The following MAPT variants were observed in gnomAD, a reference collection of about 807,000 sequenced individuals.
The protein encoded by MAPT is microtubule-associated protein tau.
MAPT carries 34 observed loss-of-function variants against 67.9 expected under a neutral mutation model. The observed-to-expected ratio is 0.50, with a 90% confidence interval of 0.38 to 0.67. MAPT has a LOEUF of 0.67. Among genes scored for constraint, MAPT ranks in the 30% least tolerant of loss-of-function variants. The pLI is 0.00. For missense variants in MAPT, 881 were observed against 1,115.2 expected (o/e 0.79, Z 2.99); for synonymous variants, 456 against 464.5 (o/e 0.98, Z 0.23).
rs141279120 is a variant in MAPT at position 46,022,766 on chromosome 17, A to C, written c.2287-1190A>C. Among the ~76,000 whole-genome samples, 651 of 152,152 alleles carry C rather than the reference A, an allele frequency of 4.3e-3. 5 individuals are homozygous for C. Among genetic ancestry groups the C allele is most frequent in the African/African-American group, 0.015 (635 of 41,508 alleles). Reference sequence around the variant, plus strand: ...TCCTGGCTAGGTCATGTGTTTCTCTACTTTCAAAAGGGCTTCAGCCAGGCA... The same window carrying C: ...TCCTGGCTAGGTCATGTGTTTCTCTCCTTTCAAAAGGGCTTCAGCCAGGCA... On this transcript the variant is annotated intron_variant, in intron 12 of 12. Transcript: ENST00000262410.
chr17:45,918,208 C>T (rs2065375014), intron 1 of MAPT, among the ~76,000 whole-genome samples: 1 of 152,256 alleles, frequency 6.6e-6, no homozygotes, highest in Non-Finnish European at 1.5e-5. Flanking sequence ...TCTCCCTGCA[C>T]CTGGCTGGTC....
intron 12 of MAPT, among the ~76,000 whole-genome samples, chr17:46,023,252 GTTTA>G (rs999870498): frequency 5.9e-5 from 9 of 152,206 alleles, no homozygotes; most frequent in African/African-American, 2.2e-4. Flanking sequence ...GTTCATACGG[GTTTA>G]TTTATCTGAG....
intron 10 of MAPT, among the ~76,000 whole-genome samples, chr17:46,012,902 C>T (rs1269960941): frequency 1.3e-5 from 2 of 152,092 alleles, no homozygotes; most frequent in Non-Finnish European, 2.9e-5. Context: ...CCAAGCCAGG[C>T]CGCGCGCCAT....
At chr17:45,939,632 G>A (rs961325371) in intron 1 of MAPT, among the ~76,000 whole-genome samples, 1 of 152,170 alleles carries the variant, frequency 6.6e-6, no homozygotes, top group Non-Finnish European at 1.5e-5. Flanking sequence ...GGGCTTTTAC[G>A]AGGAGGTTTC....
chr17:45,971,976 C>A lies in MAPT; in HGVS notation c.220+31C>A. The A allele has an allele frequency of 1.9e-6, 3 of 1,551,368 alleles. No individual in the cohort carries two copies. Among genetic ancestry groups the A allele is most frequent in the Non-Finnish European group, 1.8e-6 (2 of 1,123,124 alleles). ...CCCCCCTTCAGACGCCCCCTCCATG[C>A]CTCCAGCCTGTGCTTAGCCGTGCTT... On this transcript the variant is annotated intron_variant, in intron 3 of 12. Coordinates refer to ENST00000262410, the MANE Select transcript of MAPT (RefSeq NM_001377265.1). This position sits in a 1 kb window ranked among gnomAD's most constrained non-coding sequence, Gnocchi z 4.3.
In MAPT at chr17:45,962,046, A is replaced by G. The variant is rs1033352889; in HGVS notation, c.-17-275A>G. The stretch of plus-strand genomic sequence containing the variant: ...CACCTCGGCCTCCCAAAGTGCTGAG[A>G]TCACAGGCGTGAGCCACCATGCCTG... On this transcript the variant is annotated intron_variant, in intron 1 of 12. Coordinates refer to ENST00000262410, the MANE Select transcript of MAPT (RefSeq NM_001377265.1). Among the ~76,000 whole-genome samples, 8 of 152,250 alleles carry G rather than the reference A, an allele frequency of 5.3e-5. No homozygotes were observed. In the East Asian group the frequency reaches 1.5e-3, roughly 29 times the overall value.
chr17:45,927,858 G>A (rs1382799150), intron 1 of MAPT, among the ~76,000 whole-genome samples: 1 of 151,940 alleles, frequency 6.6e-6, no homozygotes, highest in Non-Finnish European at 1.5e-5. Context: ...AAAGTAGCCG[G>A]GAGTGGTGGC....
At chr17:45,938,361 TTCA>T (rs1598045696) in intron 1 of MAPT, among the ~76,000 whole-genome samples, 1 of 152,232 alleles carries the variant, frequency 6.6e-6, no homozygotes, top group Admixed American at 6.5e-5. Context: ...ATCAATCATC[TTCA>T]AAGCCAGCAA....
intron 1 of MAPT, among the ~76,000 whole-genome samples, chr17:45,930,136 A>C (rs971197396): frequency 4.6e-5 from 7 of 152,210 alleles, no homozygotes; most frequent in African/African-American, 1.7e-4. Context: ...GCGGTGGCTC[A>C]TGCCTGTAAT....
intron 1 of MAPT, among the ~76,000 whole-genome samples, chr17:45,921,019 G>A (rs2065661944): frequency 6.6e-6 from 1 of 152,190 alleles, no homozygotes; most frequent in African/African-American, 2.4e-5. Context: ...TAATAGTAAA[G>A]AATAAATGTG....
Position 46,010,286 on chromosome 17 carries a change from C to T in MAPT, c.1999-24C>T. 2.6e-6 allele frequency: 4 copies of T among 1,514,902 alleles called. No homozygotes were observed. The highest frequency in any genetic ancestry group is 3.6e-6 in the Non-Finnish European group (4 of 1,112,798). 93.8% of individuals were successfully genotyped at this position (1,514,902 alleles called of 1,614,324 possible). ...GGCGGGTCCAGGGTGGCGTGTCACT[C>T]ATCCTTTTTTCTGGCTACCAAAGGT... On this transcript the variant is annotated intron_variant, in intron 9 of 12. Coordinates refer to ENST00000262410, the MANE Select transcript of MAPT (RefSeq NM_001377265.1). This position sits in a 1 kb window ranked among gnomAD's most constrained non-coding sequence, Gnocchi z 4.7.
At chr17:45,895,333 AG>A (rs2063109812) in intron 1 of MAPT, 1 of 152,052 alleles carries the variant, frequency 6.6e-6, no homozygotes, top group Non-Finnish European at 1.5e-5. Flanking sequence ...GGGGGCTGGG[AG>A]AAATCGAGGA....
intron 12 of MAPT, 121 bp from the exon 13 acceptor site, chr17:46,023,833 CCT>C (rs1336381748): frequency 3.7e-6 from 3 of 800,912 alleles, no homozygotes; most frequent in Non-Finnish European, 6.4e-6. Context: ...AGAGCAAGAC[CCT>C]GTCTCAAAAA....
At chr17:45,950,657 TTTTA>T (rs573272603) in intron 1 of MAPT, among the ~76,000 whole-genome samples, 5 of 152,156 alleles carry the variant, frequency 3.3e-5, no homozygotes, top group African/African-American at 1.2e-4. Flanking sequence ...ATTTTTAAAA[TTTTA>T]TTTATTTATT....
chr17:45,983,698 C>G lies in MAPT; in HGVS notation c.1119C>G (p.Pro373=), dbSNP rs762689602. Residue 373 remains proline (P), a synonymous_variant, in exon 5 of 13, where the codon CCC becomes CCG. Coordinates refer to ENST00000262410, the MANE Select transcript of MAPT (RefSeq NM_001377265.1). ...SVGRAKGQDA[P]LEFTFHVEIT... Reference sequence around the variant, plus strand: ...GGCGGGCCAAAGGGCAGGATGCCCCCCTGGAGTTCACGTTTCACGTGGAAA... The same window carrying G: ...GGCGGGCCAAAGGGCAGGATGCCCCGCTGGAGTTCACGTTTCACGTGGAAA... 1.2e-6 allele frequency: 2 copies of G among 1,614,126 alleles called. No individual in the cohort carries two copies. The highest frequency in any genetic ancestry group is 2.2e-5 in the South Asian group (2 of 91,080).
At chr17:45,912,459 G>A (rs2064863092) in intron 1 of MAPT, among the ~76,000 whole-genome samples, 1 of 152,176 alleles carries the variant, frequency 6.6e-6, no homozygotes, top group South Asian at 2.1e-4. Flanking sequence ...AGACAATGTG[G>A]TGATGGAGGC....
intron 9 of MAPT, among the ~76,000 whole-genome samples, chr17:46,005,587 C>CT (rs1159983345): frequency 1.4e-5 from 2 of 147,550 alleles, no homozygotes; most frequent in Admixed American, 1.4e-4. Context: ...TCCATTAAAA[C>CT]TATTTTTTTT....
intron 8 of MAPT, chr17:45,994,054 C>T (rs990309401): frequency 3.5e-5 from 49 of 1,400,032 alleles, no homozygotes; most frequent in East Asian, 7.5e-5. Flanking sequence ...TTTCTAGAGC[C>T]GGGAGGACCC....
intron 6 of MAPT, 25 bp from the exon 7 acceptor site, chr17:45,989,853 G>T (rs769128529): frequency 9.3e-6 from 15 of 1,606,424 alleles, no homozygotes; most frequent in Non-Finnish European, 1.2e-5. Flanking sequence ...CTTTTATTTT[G>T]ATTTTATTTA....
Sources: gnomAD v4.1 joint callset for allele counts (sites outside exome capture counted in the v4.1 genomes callset) on GRCh38, gnomAD v4.1.1 for gene constraint, Gnocchi (gnomAD v3.1) non-coding constraint, MANE v1.5 for transcripts, NCBI Gene and HGNC (gene_info 2026-07-23, HGNC 2026-07-21) for gene names.